Variants in CEP295 observed in about 807,000 individuals in gnomAD.
CEP295 encodes centrosomal protein of 295 kDa.
In CEP295, 190 loss-of-function variants were observed where a neutral mutation model predicts 291.6. That is an observed-to-expected ratio of 0.65 (90% CI 0.58 to 0.73). The LOEUF is 0.73. Among genes scored for constraint, CEP295 ranks in the 30% least tolerant of loss-of-function variants. CEP295 has a pLI of 0.00. For missense variants in CEP295, 2,863 were observed against 2,949.4 expected, an observed-to-expected ratio of 0.97 and a Z score of 0.68; for synonymous variants, 993 against 1,038.8, an observed-to-expected ratio of 0.96 and a Z score of 0.85.
chr11:93,691,666 G>A lies in CEP295; in HGVS notation c.1337-17G>A. ...ATGATTATATATTCAAAATAACAGT[G>A]GTATTATCTATTACAGTTGTTGAAA... On this transcript the variant is annotated splice_polypyrimidine_tract_variant and intron_variant, in intron 10 of 29. Transcript: ENST00000325212. The A allele has an allele frequency of 7.0e-7, 1 of 1,426,828 alleles. No homozygotes were observed. The highest frequency in any genetic ancestry group is 9.6e-7 in the Non-Finnish European group (1 of 1,041,618). The allele number at this position is 1,426,828 out of a possible 1,614,324, so 88.4% of individuals were successfully genotyped here. A position where few individuals can be genotyped will look rare whatever the true frequency, so the allele number is the denominator to read the frequency against.
intron 12 of CEP295, among the ~76,000 whole-genome samples, chr11:93,695,250 G>A (rs1951791921): frequency 6.6e-6 from 1 of 152,224 alleles, no homozygotes; most frequent in African/African-American, 2.4e-5. Flanking sequence ...AATAGTTAAT[G>A]TATTTATTCT....
chr11:93,666,617 C>A, intron 1 of CEP295, 65 bp from the exon 2 acceptor site: 1 of 652,016 alleles, frequency 1.5e-6, no homozygotes, highest in African/African-American at 1.8e-5. Context: ...CAAAATTATT[C>A]TAATCTTTGC....
chr11:93,676,941 C>T (rs1950724411), intron 6 of CEP295, among the ~76,000 whole-genome samples: 1 of 151,954 alleles, frequency 6.6e-6, no homozygotes, highest in Non-Finnish European at 1.5e-5. Flanking sequence ...AATTTTGTTT[C>T]TAACAGTTTT....
chr11:93,691,009 T>C (rs1039481553), intron 10 of CEP295, among the ~76,000 whole-genome samples: 1 of 152,230 alleles, frequency 6.6e-6, no homozygotes, highest in African/African-American at 2.4e-5. Context: ...AGAAATTTCA[T>C]CTTGCCCAGA....
intron 9 of CEP295, among the ~76,000 whole-genome samples, chr11:93,685,949 C>A (rs1165364971): frequency 6.6e-6 from 1 of 151,656 alleles, no homozygotes; most frequent in Non-Finnish European, 1.5e-5. Context: ...GACCTTGTGA[C>A]CCGCCCACCT....
chr11:93,688,956 C>T (rs1951383220), intron 10 of CEP295, among the ~76,000 whole-genome samples: 1 of 152,176 alleles, frequency 6.6e-6, no homozygotes, highest in Non-Finnish European at 1.5e-5. Flanking sequence ...AATTCCCTTG[C>T]TCAAGCCAAA....
Position 93,697,880 on chromosome 11 carries a change from C to G in CEP295, c.2968C>G (p.Gln990Glu), listed in dbSNP as rs1951933259. The change falls in exon 15 of 30, where the codon CAG becomes GAG. Residue 990 changes from glutamine to glutamate, a missense_variant. Physicochemically the swap from Gln to Glu is conservative, Grantham distance 29. Around this residue, in one of 3 missense-constraint regions of CEP295, gnomAD observed 2,295 missense variants for 2,335.7 expected, o/e 0.98. Transcript: ENST00000325212. ...ATTGGATAGAAGAGTATGTTCCGAA[C>G]AGGCTGAGCCCTCTTTCCCATTTCA... ...SELDRRVCSE[Q>E]AEPSFPFQVA... 2 of 1,551,696 alleles carry G rather than the reference C, an allele frequency of 1.3e-6. No homozygotes were observed. The highest frequency in any genetic ancestry group is 1.7e-6 in the Non-Finnish European group (2 of 1,146,980).
chr11:93,666,750 C>A lies in CEP295; in HGVS notation c.43C>A (p.Pro15Thr). ...GAATACTCACAAGCTGAGATTGAGT[C>A]CTAATGAGGAAGCCTTCATTTTGAA... is the stretch of plus-strand genomic sequence containing the variant. ...VVNTHKLRLS[P>T]NEEAFILKED... The change falls in exon 2 of 30, where the codon CCT becomes ACT. Residue 15 changes from proline (P) to threonine (T), a missense_variant. Around this residue, in one of 3 missense-constraint regions of CEP295, gnomAD observed 554 missense variants for 576.0 expected, o/e 0.96. Transcript: ENST00000325212. 1 of 1,547,814 alleles carries A rather than the reference C, an allele frequency of 6.5e-7. No homozygotes were observed.
At chr11:93,728,943 C>A in intron 25 of CEP295, 122 bp downstream of exon 25, 1 of 749,684 alleles carries the variant, frequency 1.3e-6, no homozygotes, top group Non-Finnish European at 2.1e-6. Context: ...TAAGCCGACA[C>A]CCCCACCAGC....
In CEP295 at chr11:93,706,757, T is replaced by C. The variant is rs542646882; in HGVS notation, c.5609T>C (p.Ile1870Thr). The change falls in exon 18 of 30, where the codon ATT becomes ACT. Residue 1870 changes from isoleucine to threonine, a missense_variant. Physicochemically the swap from Ile to Thr is moderately conservative, Grantham distance 89. Around this residue, in one of 3 missense-constraint regions of CEP295, gnomAD observed 2,295 missense variants for 2,335.7 expected, o/e 0.98. Transcript: ENST00000325212. Reference protein sequence around the residue: ...GRTSILGKPGIYEDRDPLRVS... With the variant: ...GRTSILGKPGTYEDRDPLRVS... ...TTTTCCCCCCCAGGTAAACCAGGTA[T>C]TTATGAAGACAGAGACCCCCTGCGA... is the stretch of plus-strand genomic sequence containing the variant. 326 of 1,534,804 alleles carry C rather than the reference T, an allele frequency of 2.1e-4. 1 individual carries two copies. Among genetic ancestry groups the C allele is most frequent in the Non-Finnish European group, 2.8e-4 (314 of 1,140,840 alleles).
intron 6 of CEP295, among the ~76,000 whole-genome samples, chr11:93,678,951 G>C (rs751565526): frequency 6.6e-6 from 1 of 152,108 alleles, no homozygotes; most frequent in Non-Finnish European, 1.5e-5. Context: ...CCGCCTCCCG[G>C]GCTCAAGTGA....
intron 25 of CEP295, 60 bp downstream of exon 25, chr11:93,728,881 T>G: frequency 1.4e-6 from 2 of 1,420,150 alleles, no homozygotes; most frequent in Non-Finnish European, 1.9e-6. Context: ...GATTTGTCTC[T>G]TACAACTTAT....
At chr11:93,670,440 C>T (rs1377025316) in intron 5 of CEP295, among the ~76,000 whole-genome samples, 3 of 151,924 alleles carry the variant, frequency 2.0e-5, no homozygotes, top group African/African-American at 4.8e-5. Flanking sequence ...AATACTTGTT[C>T]TCCACATTAG....
intron 6 of CEP295, among the ~76,000 whole-genome samples, chr11:93,676,879 G>T (rs10765631): frequency 2.0e-5 from 3 of 151,916 alleles, no homozygotes; most frequent in African/African-American, 7.3e-5. Flanking sequence ...TTAAAAATTA[G>T]ATCAGTAGTT....
intron 19 of CEP295, 77 bp from the exon 20 acceptor site, chr11:93,721,877 C>G: frequency 1.1e-6 from 1 of 941,128 alleles, no homozygotes; most frequent in Non-Finnish European, 1.7e-6. Flanking sequence ...GAAGTGACAA[C>G]TGCTGGGGTT....
At position 93,684,077 on chromosome 11, in the gene CEP295, G is replaced by T. The variant is rs1355345798; in HGVS notation, c.1063G>T (p.Ala355Ser). Residue 355 changes from alanine (A) to serine (S), a missense_variant, in exon 9 of 30, where the codon GCT becomes TCT. Around this residue, in one of 3 missense-constraint regions of CEP295, gnomAD observed 554 missense variants for 576.0 expected, o/e 0.96. Coordinates refer to ENST00000325212, the MANE Select transcript of CEP295 (RefSeq NM_033395.2). ...AATGGAACAAGAAAATTTGGGTGCA[G>T]CTGAAGACCTTCCAGTGACAGAAGC... ...LSMEQENLGA[A>S]EDLPVTEAEI... The T allele has an allele frequency of 1.3e-6, 2 of 1,551,618 alleles. No homozygotes were observed. The highest frequency in any genetic ancestry group is 3.9e-5 in the Admixed American group (2 of 50,996).
At position 93,699,974 on chromosome 11, in the gene CEP295, C is replaced by T; in HGVS notation, c.5062C>T (p.Pro1688Ser). 2 of 1,551,670 alleles carry T rather than the reference C, an allele frequency of 1.3e-6. No homozygotes were observed. The highest frequency in any genetic ancestry group is 1.7e-6 in the Non-Finnish European group (2 of 1,146,990). Residue 1688 changes from proline to serine, a missense_variant, in exon 15 of 30, where the codon CCA (proline) becomes TCA (serine). By Grantham distance (74) the Pro-to-Ser change is moderately conservative. This residue lies in a region of CEP295 where 2,295 missense variants were observed against 2,335.7 expected (regional missense o/e 0.98). Transcript: ENST00000325212. ...HAAPPSNPVIPGFQDRLLSFS... is the reference protein window; with the variant it reads ...HAAPPSNPVISGFQDRLLSFS... ...AGCCCCCCCAAGTAATCCTGTGATC[C>T]CAGGGTTTCAAGATAGACTTTTGAG...
rs759948344 is a variant in CEP295 at position 93,699,836 on chromosome 11, A to G, written c.4924A>G (p.Ile1642Val). 8 of 1,552,158 alleles carry G rather than the reference A, an allele frequency of 5.2e-6. No homozygotes were observed. Among genetic ancestry groups the G allele is most frequent in the African/African-American group, 1.4e-5 (1 of 73,056 alleles). ...LNKSESAEHT[I>V]PSLFLPKETE... ...CAAAAGTGAATCTGCTGAGCATACT[A>G]TCCCCTCTTTGTTTCTACCCAAGGA... Residue 1642 changes from isoleucine (I) to valine (V), a missense_variant, in exon 15 of 30, where the codon ATC becomes GTC. This residue lies in a region of CEP295 where 2,295 missense variants were observed against 2,335.7 expected (regional missense o/e 0.98). Coordinates refer to ENST00000325212, the MANE Select transcript of CEP295 (RefSeq NM_033395.2).
At position 93,728,737 on chromosome 11, in the gene CEP295, CACT is replaced by C. The variant is rs764654484; in HGVS notation, c.7219_7221del (p.Thr2407del). ...AACCAGAACTTACTTTAATAAGCAC[CACT>C]GATACCAGTATTGCTGAAATGGATT... is the stretch of plus-strand genomic sequence containing the variant. On this transcript the variant is annotated inframe_deletion, in exon 25 of 30. Transcript: ENST00000325212. The C allele has an allele frequency of 8.4e-6, 13 of 1,549,732 alleles. No homozygotes were observed. In the East Asian group the frequency reaches 9.8e-5, roughly 12 times the overall value.
Sources: allele counts gnomAD v4.1 joint callset (sites outside exome capture counted in the v4.1 genomes callset), GRCh38; gene constraint gnomAD v4.1.1; regional missense constraint gnomAD v4.1.1; transcripts MANE v1.5; gene names NCBI Gene and HGNC (gene_info 2026-07-23, HGNC 2026-07-21).